Variants in SGCZ observed in about 807,000 individuals in gnomAD.
SGCZ encodes the protein sarcoglycan zeta.
SGCZ carries 40 observed loss-of-function variants against 41.3 expected under a neutral mutation model. The ratio of observed to expected loss-of-function variants is 0.97; its 90% CI spans 0.75 to 1.26. The LOEUF (loss-of-function observed/expected upper bound fraction) is 1.26. SGCZ is among the 50% of genes most tolerant of loss of function. The probability of loss-of-function intolerance (pLI) is 0.00; values close to 1 mark genes in which losing one functional copy is unlikely to be tolerated. For missense variants in SGCZ, 552 were observed against 369.8 expected (o/e 1.49, Z -4.04); for synonymous variants, 206 against 137.5 (o/e 1.50, Z -3.49).
chr8:15,226,872 T>G (rs1801791496), intron 1 of SGCZ, among the ~76,000 whole-genome samples: 1 of 152,204 alleles, frequency 6.6e-6, no homozygotes, highest in South Asian at 2.1e-4. Context: ...AATGACCAGT[T>G]GGATGTACGG....
At chr8:14,920,440 G>C (rs746240795) in intron 1 of SGCZ, among the ~76,000 whole-genome samples, 12 of 152,116 alleles carry the variant, frequency 7.9e-5, no homozygotes, top group Non-Finnish European at 1.6e-4. Flanking sequence ...TGCATTTAAA[G>C]GGACGAAATG....
chr8:14,652,334 CA>C lies in SGCZ; in HGVS notation c.40-97409del, dbSNP rs34266117. Reference sequence around the variant, plus strand: ...CCACTCTGGGTGACACAGCAAGACTCAAAAAAAAAAAAGGGGGGGGTGTGGG... The same window carrying C: ...CCACTCTGGGTGACACAGCAAGACTCAAAAAAAAAAAGGGGGGGGTGTGGG... On this transcript the variant is annotated intron_variant, in intron 1 of 7. Transcript: ENST00000382080. 7.5e-3 allele frequency among the ~76,000 whole-genome samples: 360 copies of C among 47,722 alleles called. 1 individual carries two copies. Among genetic ancestry groups the C allele is most frequent in the African/African-American group, 0.039 (324 of 8,212 alleles). The allele number at this position is 47,722 out of a possible 152,430, so 31.3% of individuals were successfully genotyped here. A position where few individuals can be genotyped will look rare whatever the true frequency, so the allele number is the denominator to read the frequency against.
chr8:14,521,247 CTCTTT>C (rs1342073874), intron 2 of SGCZ, among the ~76,000 whole-genome samples: 6 of 152,140 alleles, frequency 3.9e-5, no homozygotes, highest in African/African-American at 7.2e-5. Flanking sequence ...AACCACTAAT[CTCTTT>C]TCTATTTATA....
At chr8:14,771,031 A>C (rs920058661) in intron 1 of SGCZ, among the ~76,000 whole-genome samples, 1 of 152,180 alleles carries the variant, frequency 6.6e-6, no homozygotes, top group African/African-American at 2.4e-5. Flanking sequence ...GGCAAAGCAA[A>C]TGAACAAAAA....
At chr8:14,250,897 C>T (rs1021730095) in intron 3 of SGCZ, among the ~76,000 whole-genome samples, 12 of 152,016 alleles carry the variant, frequency 7.9e-5, no homozygotes, top group African/African-American at 2.4e-4. Flanking sequence ...TCTGATATAC[C>T]GCCAGATAAT....
At chr8:14,197,994 C>A (rs570300701) in intron 4 of SGCZ, among the ~76,000 whole-genome samples, 1 of 152,120 alleles carries the variant, frequency 6.6e-6, no homozygotes, top group Admixed American at 6.6e-5. Context: ...AATTGTGTAT[C>A]TTTACACTGG....
chr8:14,921,660 A>T (rs1345244323), intron 1 of SGCZ, among the ~76,000 whole-genome samples: 2 of 152,136 alleles, frequency 1.3e-5, no homozygotes, highest in Non-Finnish European at 2.9e-5. Flanking sequence ...CTTGTAATGG[A>T]ATTGCACAAG....
chr8:14,370,522 C>T (rs1032783691), intron 2 of SGCZ, among the ~76,000 whole-genome samples: 6 of 151,970 alleles, frequency 3.9e-5, no homozygotes, highest in Admixed American at 2.6e-4. Flanking sequence ...AGTAACACAA[C>T]TGGTAAACAG....
At chr8:14,235,348 C>T (rs1015341549) in intron 4 of SGCZ, among the ~76,000 whole-genome samples, 1 of 152,128 alleles carries the variant, frequency 6.6e-6, no homozygotes, top group Non-Finnish European at 1.5e-5. Context: ...TAAGTGTAAG[C>T]CTCAGTAGAA....
Position 14,321,153 on chromosome 8 carries a change from G to T in SGCZ, c.336+2950C>A, listed in dbSNP as rs576898935. 4.9e-4 allele frequency among the ~76,000 whole-genome samples: 74 copies of T among 152,154 alleles called. 1 individual carries two copies. The South Asian group carries it at 0.015, about 31-fold the overall frequency. ...CACATCTTTTGTATTGTTCTTGTCT[G>T]AATAGTATTATATATTTAACTTCAC... On this transcript the variant is annotated intron_variant, in intron 3 of 7. Coordinates refer to ENST00000382080, the MANE Select transcript of SGCZ (RefSeq NM_139167.4).
intron 1 of SGCZ, among the ~76,000 whole-genome samples, chr8:14,937,953 C>A (rs1800137978): frequency 6.6e-6 from 1 of 152,012 alleles, no homozygotes; most frequent in Admixed American, 6.6e-5. Flanking sequence ...GATTCATGAG[C>A]TAAGTACATA....
At chr8:15,214,841 A>G (rs1801347194) in intron 1 of SGCZ, among the ~76,000 whole-genome samples, 1 of 152,224 alleles carries the variant, frequency 6.6e-6, no homozygotes, top group Non-Finnish European at 1.5e-5. Flanking sequence ...AGATGTTACC[A>G]GAGCAAATGA....
intron 1 of SGCZ, among the ~76,000 whole-genome samples, chr8:15,049,090 G>A (rs1804420610): frequency 6.6e-6 from 1 of 152,132 alleles, no homozygotes. Context: ...GTAATGCACA[G>A]TGCTACACAA....
intron 1 of SGCZ, among the ~76,000 whole-genome samples, chr8:14,621,351 G>T (rs556860332): frequency 6.6e-6 from 1 of 151,502 alleles, no homozygotes; most frequent in Admixed American, 6.6e-5. Flanking sequence ...ACAAGTTAAC[G>T]GGTGCAGCAC....
intron 1 of SGCZ, among the ~76,000 whole-genome samples, chr8:14,876,032 A>C (rs1804345583): frequency 1.3e-5 from 2 of 152,132 alleles, no homozygotes; most frequent in Admixed American, 1.3e-4. Context: ...CCACAGAACA[A>C]ATGAAAATAT....
intron 1 of SGCZ, among the ~76,000 whole-genome samples, chr8:15,103,003 C>G (rs1806672022): frequency 6.6e-6 from 1 of 151,992 alleles, no homozygotes; most frequent in South Asian, 2.1e-4. Context: ...TATTACATAA[C>G]AATATAATGT....
At chr8:14,494,342 C>T (rs904381325) in intron 2 of SGCZ, among the ~76,000 whole-genome samples, 3 of 152,068 alleles carry the variant, frequency 2.0e-5, no homozygotes, top group Admixed American at 6.5e-5. Flanking sequence ...TGGCTCAGCC[C>T]GGCTACTGTT....
At chr8:14,721,457 T>C (rs1223762604) in intron 1 of SGCZ, among the ~76,000 whole-genome samples, 2 of 152,190 alleles carry the variant, frequency 1.3e-5, no homozygotes, top group Admixed American at 6.5e-5. Flanking sequence ...GGCAACTTTG[T>C]CCTTCCAGTT....
chr8:15,205,714 A>G (rs1358932821), intron 1 of SGCZ, among the ~76,000 whole-genome samples: 1 of 152,210 alleles, frequency 6.6e-6, no homozygotes, highest in Non-Finnish European at 1.5e-5. Flanking sequence ...CAATTACTCA[A>G]AGAGCTAAAA....
Sources: gnomAD v4.1 joint callset for allele counts (sites outside exome capture counted in the v4.1 genomes callset) on GRCh38, gnomAD v4.1.1 for gene constraint, MANE v1.5 for transcripts, NCBI Gene and HGNC (gene_info 2026-07-23, HGNC 2026-07-21) for gene names.